Variants in RGPD3 observed in about 807,000 individuals in gnomAD.
RGPD3 encodes the protein ranBP2-like and GRIP domain-containing protein 3.
In RGPD3, 62 loss-of-function variants were observed where a neutral mutation model predicts 154.5. That is an observed-to-expected ratio of 0.40 (90% CI 0.33 to 0.50). RGPD3 has a LOEUF of 0.50. Among genes scored for constraint, RGPD3 ranks in the 20% least tolerant of loss-of-function variants. The probability of loss-of-function intolerance (pLI) is 0.59; values close to 1 mark genes in which losing one functional copy is unlikely to be tolerated. For missense variants in RGPD3, 919 were observed against 1,716.8 expected, an observed-to-expected ratio of 0.54 and a Z score of 8.21; for synonymous variants, 308 against 607.0, an observed-to-expected ratio of 0.51 and a Z score of 7.24.
intron 6 of RGPD3, among the ~76,000 whole-genome samples, chr2:106,449,456 A>G: frequency 7.0e-6 from 1 of 143,702 alleles, no homozygotes; most frequent in Non-Finnish European, 1.5e-5. Flanking sequence ...ACAAGAGCAA[A>G]ACTCTGTCTC....
chr2:106,466,062 C>T (rs1395345709), intron 1 of RGPD3, among the ~76,000 whole-genome samples: 1 of 151,894 alleles, frequency 6.6e-6, no homozygotes, highest in Non-Finnish European at 1.5e-5. Context: ...CCCGCCGATA[C>T]AGCACCCGGG....
chr2:106,466,292 G>A (rs915200141), intron 1 of RGPD3, among the ~76,000 whole-genome samples: 1 of 151,590 alleles, frequency 6.6e-6, no homozygotes, highest in Non-Finnish European at 1.5e-5. Context: ...GCCAGCCGGC[G>A]GGCGCCGCAA....
intron 21 of RGPD3, among the ~76,000 whole-genome samples, chr2:106,415,341 G>T (rs1676791901): frequency 6.6e-6 from 1 of 151,832 alleles, no homozygotes; most frequent in Admixed American, 6.6e-5. Context: ...GGTTTCTTAG[G>T]AAAAGTAGGA....
intron 18 of RGPD3, among the ~76,000 whole-genome samples, chr2:106,426,787 C>T (rs1677210979): frequency 6.6e-6 from 1 of 152,242 alleles, no homozygotes; most frequent in Non-Finnish European, 1.5e-5. Flanking sequence ...ACCAAAAGAT[C>T]TTTCATGCCT....
chr2:106,451,082 C>A (rs1678106271), intron 6 of RGPD3, among the ~76,000 whole-genome samples: 1 of 61,596 alleles, frequency 1.6e-5, no homozygotes, highest in Non-Finnish European at 3.2e-5. Flanking sequence ...AGCAAGACTC[C>A]CTCTCAAAAA....
intron 22 of RGPD3, among the ~76,000 whole-genome samples, chr2:106,410,722 CTA>C (rs1475830506): frequency 1.3e-5 from 2 of 151,966 alleles, no homozygotes; most frequent in Non-Finnish European, 2.9e-5. Context: ...TCTTAGGTGA[CTA>C]GAAGTAGATT....
intron 20 of RGPD3, 71 bp downstream of exon 20, chr2:106,422,972 A>G (rs74381505): frequency 0.015 from 24,409 of 1,595,958 alleles, 195 homozygotes; most frequent in Non-Finnish European, 0.018. Context: ...AGTATCCCAC[A>G]AAGAGTCTGC....
rs1441218761 is a variant in RGPD3, at chr2:106,464,628, C to A, written c.72+3589G>T. Reference sequence around the variant, plus strand: ...CAAGTAGACTTTGAGAAGTAGGAATCAGCTGCAGAATAAGAAACCGACTTG... The same window carrying A: ...CAAGTAGACTTTGAGAAGTAGGAATAAGCTGCAGAATAAGAAACCGACTTG... On this transcript the variant is annotated intron_variant, in intron 1 of 22. Coordinates refer to ENST00000409886, the MANE Select transcript of RGPD3 (RefSeq NM_001144013.2). Among the ~76,000 whole-genome samples, 25 of 151,906 alleles carry A rather than the reference C, an allele frequency of 1.6e-4. No individual in the cohort carries two copies. In the South Asian group the frequency reaches 3.5e-3, roughly 22 times the overall value.
intron 22 of RGPD3, chr2:106,412,629 G>A (rs1281566447): frequency 2.9e-6 from 1 of 350,708 alleles, no homozygotes; most frequent in Non-Finnish European, 5.6e-6. Context: ...TTTTAAAACT[G>A]CATTTGCCTA....
intron 1 of RGPD3, among the ~76,000 whole-genome samples, chr2:106,467,087 GC>G (rs1558865633): frequency 8.6e-6 from 1 of 116,584 alleles, no homozygotes; most frequent in Non-Finnish European, 1.9e-5. Context: ...AGCCATCGAG[GC>G]CGCCGCAGGG....
Position 106,404,988 on chromosome 2 carries a change from T to C in RGPD3, c.*231A>G. On this transcript the variant is annotated 3_prime_UTR_variant, in exon 23 of 23. Coordinates refer to ENST00000409886, the MANE Select transcript of RGPD3 (RefSeq NM_001144013.2). ...GCCTGGTATCAACACTTCAAGCTGT[T>C]GTACTTTTACTTCAAGTTGAAACTT... 1 of 640,446 alleles carries C rather than the reference T, an allele frequency of 1.6e-6. No individual in the cohort carries two copies. The highest frequency in any genetic ancestry group is 2.9e-5 in the East Asian group (1 of 34,940). The allele number at this position is 640,446 out of a possible 1,614,324, so 39.7% of individuals were successfully genotyped here.
In RGPD3 at chr2:106,424,965, T is replaced by C. The variant is rs1191903999; in HGVS notation, c.3002A>G (p.Glu1001Gly). The change falls in exon 20 of 23, where the codon GAA becomes GGA. Residue 1001 changes from glutamate (E) to glycine (G), a missense_variant. Glu to Gly is a moderately conservative substitution (Grantham distance 98, BLOSUM62 -2). Coordinates refer to ENST00000409886, the MANE Select transcript of RGPD3 (RefSeq NM_001144013.2). ...ACCGTATTGTGATGAGAATAATTTT[T>C]CTCCAGCACCTGAAAATCCCTTGAA... Reference protein sequence around the residue: ...LNFKGFSGAGEKLFSSQYGKM... With the variant: ...LNFKGFSGAGGKLFSSQYGKM... The C allele has an allele frequency of 6.2e-7, 1 of 1,611,796 alleles. No homozygotes were observed. The highest frequency in any genetic ancestry group is 1.7e-5 in the Admixed American group (1 of 59,978).
At chr2:106,465,005 G>A (rs1048275230) in intron 1 of RGPD3, among the ~76,000 whole-genome samples, 3 of 151,398 alleles carry the variant, frequency 2.0e-5, no homozygotes, top group Non-Finnish European at 4.4e-5. Flanking sequence ...AAAAGCACAT[G>A]TGAGGGAGTA....
chr2:106,410,557 T>G (rs947366733), intron 22 of RGPD3, among the ~76,000 whole-genome samples: 1 of 152,218 alleles, frequency 6.6e-6, no homozygotes, highest in Admixed American at 6.5e-5. Context: ...TTAGACATGC[T>G]GAGTATTTTG....
At chr2:106,466,259 C>G (rs1410564486) in intron 1 of RGPD3, among the ~76,000 whole-genome samples, 1 of 152,022 alleles carries the variant, frequency 6.6e-6, no homozygotes, top group Non-Finnish European at 1.5e-5. Context: ...CGCTTGCAAG[C>G]GCCGCGCCGC....
intron 6 of RGPD3, among the ~76,000 whole-genome samples, chr2:106,449,954 T>A (rs1374657541): frequency 6.7e-6 from 1 of 148,744 alleles, no homozygotes; most frequent in Non-Finnish European, 1.5e-5. Context: ...GAGACACAGC[T>A]TGCAGTGAGC....
chr2:106,451,101 C>A (rs1463889500), intron 6 of RGPD3, among the ~76,000 whole-genome samples: 186 of 116,640 alleles, frequency 1.6e-3, no homozygotes, highest in African/African-American at 4.3e-3. Context: ...AAAAAAAAAA[C>A]AAAAAAGAAA....
At chr2:106,409,301 T>C (rs985213383) in intron 22 of RGPD3, among the ~76,000 whole-genome samples, 7 of 152,112 alleles carry the variant, frequency 4.6e-5, no homozygotes, top group Non-Finnish European at 7.4e-5. Context: ...AGACTGACAG[T>C]CCATATCTGT....
At chr2:106,420,496 T>C (rs1676947619) in intron 20 of RGPD3, among the ~76,000 whole-genome samples, 1 of 152,112 alleles carries the variant, frequency 6.6e-6, no homozygotes, top group African/African-American at 2.4e-5. Context: ...AGCTATGGTG[T>C]CCAATATGGT....
Sources: gnomAD v4.1 joint callset for allele counts (sites outside exome capture counted in the v4.1 genomes callset) on GRCh38, gnomAD v4.1.1 for gene constraint, MANE v1.5 for transcripts, NCBI Gene and HGNC (gene_info 2026-07-23, HGNC 2026-07-21) for gene names.